Variants in ZNF48 observed in about 807,000 individuals in gnomAD.
ZNF48 encodes zinc finger protein 48.
ZNF48 carries 20 observed loss-of-function variants against 40.0 expected under a neutral mutation model. That is an observed-to-expected ratio of 0.50 (90% confidence interval 0.35 to 0.73). The LOEUF is 0.73. Ranked by LOEUF, ZNF48 falls within the 30% of genes least tolerant of loss-of-function variation. The pLI is 0.01. For missense variants in ZNF48, 726 were observed against 851.9 expected (o/e 0.85, Z 1.84); for synonymous variants, 298 against 329.7 (o/e 0.90, Z 1.04).
rs2049865014 is a variant in ZNF48, at chr16:30,382,517, GGAC to G, written c.-16+4108_-16+4110del. On this transcript the variant is annotated intron_variant, in intron 1 of 2. Transcript: ENST00000528032. This position sits in a 1 kb window ranked among gnomAD's most constrained non-coding sequence, Gnocchi z 4.8. ...GAGATGCCCAGGTTTCTGGGTGTAA[GGAC>G]TCACCATGACTCCGCCAGCCATCAC... 3 of 1,596,192 alleles carry G rather than the reference GGAC, an allele frequency of 1.9e-6. No individual in the cohort carries two copies. The highest frequency in any genetic ancestry group is 2.7e-5 in the African/African-American group (2 of 74,720).
At chr16:30,393,074 A>T (rs1403846491), upstream of ZNF48, among the ~76,000 whole-genome samples, 1 of 151,708 alleles carries the variant, frequency 6.6e-6, no homozygotes, top group Admixed American at 6.6e-5. Flanking sequence ...TGGTCCATAT[A>T]ACTCTTTTTT....
Position 30,400,006 on chromosome 16 carries a change from GA to G in ZNF48, c.*904del. 6.6e-6 allele frequency: 1 copy of G among 152,360 alleles called. No homozygotes were observed. The highest frequency in any genetic ancestry group is 1.5e-5 in the Non-Finnish European group (1 of 68,046). The allele number at this position is 152,360 out of a possible 1,614,324, so 9.4% of individuals were successfully genotyped here. A position where few individuals can be genotyped will look rare whatever the true frequency, so the allele number is the denominator to read the frequency against. ...ACAGTGTGTGTGTACACACAGGCAT[GA>G]AAAAGGTGGAGAGGGGTCTCTGCGC... On this transcript the variant is annotated 3_prime_UTR_variant, in exon 3 of 3. Coordinates refer to ENST00000613509, the MANE Select transcript of ZNF48 (RefSeq NM_001214909.2).
At chr16:30,385,073 G>A (rs2049889621) in intron 1 of ZNF48, among the ~76,000 whole-genome samples, 1 of 151,920 alleles carries the variant, frequency 6.6e-6, no homozygotes, top group Non-Finnish European at 1.5e-5. Context: ...CTACACGGGA[G>A]CTGAAGCAGG....
Position 30,382,056 on chromosome 16 carries a change from A to C in ZNF48, c.-16+3646A>C. On this transcript the variant is annotated intron_variant, in intron 1 of 2. Coordinates refer to the ZNF48 transcript ENST00000528032. The surrounding 1 kb of genome is among the most constrained non-coding windows in gnomAD (Gnocchi z 4.8). ...AAAGACTAGGGTGTAACCTGGGGAC[A>C]GGGGCTACTGCCTCAAGAGGGTGGG... 1 of 1,582,278 alleles carries C rather than the reference A, an allele frequency of 6.3e-7. No homozygotes were observed. The highest frequency in any genetic ancestry group is 8.6e-7 in the Non-Finnish European group (1 of 1,162,278).
rs575608095 is a variant in ZNF48, at chr16:30,399,380, A to G, written c.*273A>G. The stretch of plus-strand genomic sequence containing the variant: ...GCATTCAATACTTGTTGAATAAATA[A>G]ACTGGCTTTCACCTAAGGACTCAAC... On this transcript the variant is annotated 3_prime_UTR_variant, in exon 3 of 3. Coordinates refer to ENST00000613509, the MANE Select transcript of ZNF48 (RefSeq NM_001214909.2). 6.0e-5 allele frequency: 21 copies of G among 352,554 alleles called. No homozygotes were observed. The South Asian group carries it at 1.5e-3, about 25-fold the overall frequency. The allele number at this position is 352,554 out of a possible 1,614,324, so 21.8% of individuals were successfully genotyped here.
At chr16:30,384,541 A>G (rs562970403) in intron 1 of ZNF48, among the ~76,000 whole-genome samples, 8 of 150,468 alleles carry the variant, frequency 5.3e-5, no homozygotes, top group Admixed American at 5.3e-4. Flanking sequence ...AAAAACAAAC[A>G]AACAAAAATG....
At position 30,395,969 on chromosome 16, in the gene ZNF48, G is replaced by A; in HGVS notation, c.79+96G>A. Reference sequence around the variant, plus strand: ...CGGCCGAGATCCTGGAAGATCGGACGTGAGCTGTGCCTCTGGGGAGATAGG... The same window carrying A: ...CGGCCGAGATCCTGGAAGATCGGACATGAGCTGTGCCTCTGGGGAGATAGG... On this transcript the variant is annotated intron_variant, in intron 2 of 2. Transcript: ENST00000613509. This position sits in a 1 kb window ranked among gnomAD's most constrained non-coding sequence, Gnocchi z 5.9. 4 of 1,293,054 alleles carry A rather than the reference G, an allele frequency of 3.1e-6. No individual in the cohort carries two copies. Among genetic ancestry groups the A allele is most frequent in the Admixed American group, 2.6e-5 (1 of 38,174 alleles). 80.1% of individuals were successfully genotyped at this position (1,293,054 alleles called of 1,614,324 possible). A position where few individuals can be genotyped will look rare whatever the true frequency, so the allele number is the denominator to read the frequency against.
chr16:30,397,224 G>C lies in ZNF48; in HGVS notation c.80-106G>C. On this transcript the variant is annotated intron_variant, in intron 2 of 2. Transcript: ENST00000613509. This position sits in a 1 kb window ranked among gnomAD's most constrained non-coding sequence, Gnocchi z 4.1. ...AGGTTGAGAGGACAGAGAGATTGGG[G>C]TTCCTGTGACCACAGATTGTCAAGG... The C allele has an allele frequency of 9.7e-7, 1 of 1,026,688 alleles. No individual in the cohort carries two copies. The highest frequency in any genetic ancestry group is 1.4e-6 in the Non-Finnish European group (1 of 699,562). The allele number at this position is 1,026,688 out of a possible 1,614,324, so 63.6% of individuals were successfully genotyped here.
Position 30,381,518 on chromosome 16 carries a change from G to T in ZNF48, c.-16+3108G>T. The T allele has an allele frequency of 6.2e-7, 1 of 1,609,248 alleles. No individual in the cohort carries two copies. The highest frequency in any genetic ancestry group is 8.5e-7 in the Non-Finnish European group (1 of 1,176,246). Reference sequence around the variant, plus strand: ...GTGAGGTCAGAGATCAAAGGCCAGAGGGCAGGGGGCAAGGCTAGCCAGGAC... The same window carrying T: ...GTGAGGTCAGAGATCAAAGGCCAGATGGCAGGGGGCAAGGCTAGCCAGGAC... On this transcript the variant is annotated intron_variant, in intron 1 of 2. Coordinates refer to the ZNF48 transcript ENST00000528032. This position sits in a 1 kb window ranked among gnomAD's most constrained non-coding sequence, Gnocchi z 4.3.
intron 1 of ZNF48, among the ~76,000 whole-genome samples, chr16:30,384,554 A>G (rs891768301): frequency 6.6e-6 from 1 of 150,768 alleles, no homozygotes; most frequent in East Asian, 2.0e-4. Context: ...CAAAAATGCT[A>G]CTTAATACCA....
At chr16:30,379,477 GGT>G in intron 1 of ZNF48, 1 of 1,613,790 alleles carries the variant, frequency 6.2e-7, no homozygotes. Flanking sequence ...CTCACCGGCC[GGT>G]TCCCGCCATC....
chr16:30,386,990 CG>C (rs2049905899), intron 1 of ZNF48, among the ~76,000 whole-genome samples: 1 of 139,324 alleles, frequency 7.2e-6, no homozygotes, highest in Non-Finnish European at 1.6e-5. Context: ...TCACTCAGGC[CG>C]GAGTGCAGTG....
At chr16:30,379,638 C>CCCTTTT (rs2049813287) in intron 1 of ZNF48, 3 of 295,672 alleles carry the variant, frequency 1.0e-5, no homozygotes, top group South Asian at 7.6e-5. Flanking sequence ...CTGCCCCTTC[C>CCCTTTT]TCTTTTTTTT....
At chr16:30,390,608 T>TG (rs2049935032), upstream of ZNF48, among the ~76,000 whole-genome samples, 4 of 48,290 alleles carry the variant, frequency 8.3e-5, no homozygotes, top group African/African-American at 2.0e-4. Context: ...CGGGTTTTTT[T>TG]TTTTTTTTTT....
At chr16:30,379,441 CG>C in intron 1 of ZNF48, 1 of 1,613,404 alleles carries the variant, frequency 6.2e-7, no homozygotes, top group South Asian at 1.1e-5. Context: ...TCACCCTCCA[CG>C]GTCCCCCAGG....
Position 30,397,447 on chromosome 16 carries a change from C to G in ZNF48, c.197C>G (p.Ser66Cys). The G allele has an allele frequency of 6.2e-7, 1 of 1,614,130 alleles. No individual in the cohort carries two copies. The highest frequency in any genetic ancestry group is 8.5e-7 in the Non-Finnish European group (1 of 1,180,022). Residue 66 changes from serine (S) to cysteine (C), a missense_variant, in exon 3 of 3, where the codon TCT becomes TGT. Transcript: ENST00000613509. This position sits in a 1 kb window ranked among gnomAD's most constrained non-coding sequence, Gnocchi z 4.1. ...LAPDHEVGNA[S>C]LKPEGIQNWD... is the part of the protein sequence containing the mutation. Reference sequence around the variant, plus strand: ...CCAGATCATGAAGTAGGAAATGCCTCTCTCAAACCTGAAGGCATCCAGAAC... The same window carrying G: ...CCAGATCATGAAGTAGGAAATGCCTGTCTCAAACCTGAAGGCATCCAGAAC...
At chr16:30,379,730 C>A (rs890061749) in intron 1 of ZNF48, 2 of 589,446 alleles carry the variant, frequency 3.4e-6, no homozygotes, top group Non-Finnish European at 6.0e-6. Flanking sequence ...CCTCAGCCTC[C>A]CGAGTAGCTG....
chr16:30,390,119 C>A (rs1178178826), intron 1 of ZNF48, among the ~76,000 whole-genome samples: 6 of 152,052 alleles, frequency 3.9e-5, no homozygotes, highest in Non-Finnish European at 1.5e-5. Flanking sequence ...CTATGCCCAG[C>A]CCGTATTAGT....
rs759609892 is a variant in ZNF48 at position 30,397,894 on chromosome 16, C to G, written c.644C>G (p.Thr215Ser). ...SDLVKHQRTHTGEKPYKCGIC... is the reference protein window; with the variant it reads ...SDLVKHQRTHSGEKPYKCGIC... ...CTGGTGAAACACCAGCGGACACACA[C>G]TGGTGAGAAGCCCTACAAGTGTGGC... The change falls in exon 3 of 3, where the codon ACT (threonine) becomes AGT (serine). Residue 215 changes from threonine to serine, a missense_variant. Physicochemically the swap from Thr to Ser is moderately conservative, Grantham distance 58. Transcript: ENST00000613509. This position sits in a 1 kb window ranked among gnomAD's most constrained non-coding sequence, Gnocchi z 4.1. 3 of 1,613,124 alleles carry G rather than the reference C, an allele frequency of 1.9e-6. No individual in the cohort carries two copies. In the South Asian group the frequency reaches 3.3e-5, roughly 18 times the overall value.
Sources: allele counts gnomAD v4.1 joint callset (sites outside exome capture counted in the v4.1 genomes callset), GRCh38; gene constraint gnomAD v4.1.1; non-coding constraint Gnocchi (gnomAD v3.1); transcripts MANE v1.5; gene names NCBI Gene and HGNC (gene_info 2026-07-23, HGNC 2026-07-21).